The following SCFD2 variants were observed in gnomAD, a reference collection of about 807,000 sequenced individuals.
SCFD2 encodes the protein sec1 family domain containing 2.
SCFD2 carries 54 observed loss-of-function variants against 58.9 expected under a neutral mutation model. That is an observed-to-expected ratio of 0.92 (90% CI 0.74 to 1.15). SCFD2 has a LOEUF of 1.15. SCFD2 is among the 50% of genes most tolerant of loss of function. SCFD2 has a pLI of 0.00. For missense variants in SCFD2, 805 were observed against 836.6 expected (o/e 0.96, Z 0.47); for synonymous variants, 321 against 335.9 (o/e 0.96, Z 0.49).
intron 7 of SCFD2, among the ~76,000 whole-genome samples, chr4:52,897,554 T>C (rs1403932841): frequency 2.0e-5 from 3 of 152,096 alleles, no homozygotes; most frequent in Non-Finnish European, 4.4e-5. Context: ...CTGGATTTGG[T>C]TTGCTAGTAT....
chr4:53,234,182 A>C (rs571347879), intron 4 of SCFD2, among the ~76,000 whole-genome samples: 2 of 152,236 alleles, frequency 1.3e-5, no homozygotes, highest in Non-Finnish European at 2.9e-5. Flanking sequence ...TCCAAAAAAA[A>C]ATATTTGTTT....
At chr4:53,139,969 G>T (rs541581350) in intron 5 of SCFD2, among the ~76,000 whole-genome samples, 72 of 152,142 alleles carry the variant, frequency 4.7e-4, no homozygotes, top group African/African-American at 1.6e-3. Context: ...ATTAAGGGCG[G>T]TGCAAGATGT....
At chr4:53,239,462 G>C (rs1729820029) in intron 4 of SCFD2, among the ~76,000 whole-genome samples, 1 of 148,722 alleles carries the variant, frequency 6.7e-6, no homozygotes, top group Non-Finnish European at 1.5e-5. Context: ...GAGAGGGAGA[G>C]AGCGTCCCCA....
At chr4:53,208,586 T>C (rs1199823485) in intron 4 of SCFD2, among the ~76,000 whole-genome samples, 1 of 152,182 alleles carries the variant, frequency 6.6e-6, no homozygotes, top group Non-Finnish European at 1.5e-5. Flanking sequence ...CCCAATCTCC[T>C]GACTCCTAGT....
intron 5 of SCFD2, among the ~76,000 whole-genome samples, chr4:52,928,387 C>T (rs1429548657): frequency 2.0e-5 from 3 of 152,042 alleles, no homozygotes; most frequent in African/African-American, 7.2e-5. Context: ...GACAATTTCC[C>T]CTTTCATATT....
In SCFD2 at chr4:53,329,911, C is replaced by G. The variant is rs1380777610; in HGVS notation, c.1008-16148G>C. 3.0e-4 allele frequency among the ~76,000 whole-genome samples: 45 copies of G among 151,894 alleles called. No homozygotes were observed. The East Asian group carries it at 7.2e-3, about 24-fold the overall frequency. On this transcript the variant is annotated intron_variant, in intron 2 of 8. Coordinates refer to ENST00000401642, the MANE Select transcript of SCFD2 (RefSeq NM_152540.4). ...AGAGAAGTGCTTAAAGGAGCTGATG[C>G]AGCTGAAAACCAAGGCTCGAGAACT...
At chr4:53,021,257 A>C (rs960869808) in intron 5 of SCFD2, among the ~76,000 whole-genome samples, 2 of 152,222 alleles carry the variant, frequency 1.3e-5, no homozygotes, top group Admixed American at 1.3e-4. Flanking sequence ...TTTCAACAAC[A>C]CAAAATTGCA....
chr4:53,238,247 G>A (rs1302120089), intron 4 of SCFD2, among the ~76,000 whole-genome samples: 82 of 130,454 alleles, frequency 6.3e-4, no homozygotes, highest in African/African-American at 2.3e-3. Flanking sequence ...CTTCCCAGTA[G>A]GGGCGGCCAG....
At chr4:53,349,669 G>A (rs1305214312) in intron 2 of SCFD2, among the ~76,000 whole-genome samples, 1 of 152,232 alleles carries the variant, frequency 6.6e-6, no homozygotes, top group South Asian at 2.1e-4. Context: ...AATAGAATCA[G>A]TGCTGGGGAG....
chr4:53,175,461 T>G (rs755099713), intron 4 of SCFD2, among the ~76,000 whole-genome samples: 1 of 152,224 alleles, frequency 6.6e-6, no homozygotes, highest in African/African-American at 2.4e-5. Context: ...TGAGTTCATA[T>G]AACTACTTCT....
At chr4:53,161,596 C>G (rs971655444) in intron 4 of SCFD2, among the ~76,000 whole-genome samples, 1 of 152,048 alleles carries the variant, frequency 6.6e-6, no homozygotes, top group African/African-American at 2.4e-5. Flanking sequence ...TCCCATCTCT[C>G]GGGAAATGAT....
chr4:52,997,057 G>A (rs1721757790), intron 5 of SCFD2, among the ~76,000 whole-genome samples: 1 of 152,184 alleles, frequency 6.6e-6, no homozygotes, highest in Non-Finnish European at 1.5e-5. Context: ...TTGCTTCAGG[G>A]GCATGCATGA....
chr4:53,107,134 T>G (rs1410793608), intron 5 of SCFD2, among the ~76,000 whole-genome samples: 2 of 152,292 alleles, frequency 1.3e-5, no homozygotes, highest in East Asian at 3.9e-4. Flanking sequence ...CTAAGCTTCA[T>G]AAGCACAGGA....
chr4:53,090,574 A>G (rs1252944878), intron 5 of SCFD2, among the ~76,000 whole-genome samples: 1 of 152,194 alleles, frequency 6.6e-6, no homozygotes, highest in Non-Finnish European at 1.5e-5. Context: ...AAATATCCAC[A>G]GTATGTGACT....
At chr4:53,042,746 T>C (rs1353927298) in intron 5 of SCFD2, among the ~76,000 whole-genome samples, 1 of 152,084 alleles carries the variant, frequency 6.6e-6, no homozygotes, top group East Asian at 1.9e-4. Flanking sequence ...TGTCCTCCAC[T>C]TACACACATT....
intron 4 of SCFD2, among the ~76,000 whole-genome samples, chr4:53,221,780 C>T (rs1729053860): frequency 6.6e-6 from 1 of 152,172 alleles, no homozygotes; most frequent in Admixed American, 6.5e-5. Context: ...GTTAATATTG[C>T]TGGAAGATGG....
At chr4:53,032,508 G>A (rs554560439) in intron 5 of SCFD2, among the ~76,000 whole-genome samples, 48 of 152,260 alleles carry the variant, frequency 3.2e-4, no homozygotes, top group African/African-American at 1.1e-3. Flanking sequence ...ATTGGATAAA[G>A]AGTCAAGACC....
chr4:52,967,808 G>A (rs1284873574), intron 5 of SCFD2, among the ~76,000 whole-genome samples: 2 of 152,112 alleles, frequency 1.3e-5, no homozygotes, highest in Non-Finnish European at 2.9e-5. Flanking sequence ...TACCCTCTGG[G>A]CTCTGGAGCC....
intron 1 of SCFD2, among the ~76,000 whole-genome samples, chr4:53,357,378 G>GAGAT (rs1734430886): frequency 6.6e-6 from 1 of 151,886 alleles, no homozygotes. Flanking sequence ...TCAGTGAGCT[G>GAGAT]AGATTGAGCC....
Sources: allele counts gnomAD v4.1 joint callset (sites outside exome capture counted in the v4.1 genomes callset), GRCh38; gene constraint gnomAD v4.1.1; transcripts MANE v1.5; gene names NCBI Gene and HGNC (gene_info 2026-07-23, HGNC 2026-07-21).